The following DENND3 variants were observed in gnomAD, a reference collection of about 807,000 sequenced individuals.
DENND3 encodes the protein DENN domain containing 3.
Under a neutral mutation model 135.1 loss-of-function variants are expected in DENND3, and 88 were observed. That is an observed-to-expected ratio of 0.65 (90% CI 0.55 to 0.78). DENND3 has a LOEUF of 0.78. Ranked by LOEUF, DENND3 falls within the 30% of genes least tolerant of loss-of-function variation. The probability of loss-of-function intolerance (pLI) is 0.00; values close to 1 mark genes in which losing one functional copy is unlikely to be tolerated. For missense variants in DENND3, 1,392 were observed against 1,688.4 expected (o/e 0.82, Z 3.08); for synonymous variants, 693 against 712.3 (o/e 0.97, Z 0.43).
In DENND3 at chr8:141,177,959, T is replaced by C. The variant is rs528352755; in HGVS notation, c.2707-108T>C. ...CGTGATCTAAACTCTTCATGTCACT[T>C]TGGAAAAAGGCATTTTGGAAGGATT... On this transcript the variant is annotated intron_variant, in intron 15 of 22. Transcript: ENST00000519811. 2.8e-5 allele frequency: 39 copies of C among 1,390,554 alleles called. No individual in the cohort carries two copies. The Admixed American group carries it at 4.5e-4, about 16-fold the overall frequency. 86.1% of individuals were successfully genotyped at this position (1,390,554 alleles called of 1,614,324 possible).
At chr8:141,149,982 C>T (rs1449324612) in intron 5 of DENND3, among the ~76,000 whole-genome samples, 1 of 152,184 alleles carries the variant, frequency 6.6e-6, no homozygotes, top group African/African-American at 2.4e-5. Context: ...TTTCTCCCCC[C>T]GGCTCCCTGC....
intron 16 of DENND3, 71 bp from the exon 17 acceptor site, chr8:141,180,676 C>A: frequency 1.5e-6 from 2 of 1,368,788 alleles, no homozygotes; most frequent in Non-Finnish European, 2.1e-6. Flanking sequence ...AATCAGAGTG[C>A]GTGAGGCCGT....
intron 5 of DENND3, among the ~76,000 whole-genome samples, chr8:141,148,297 C>A (rs1241052023): frequency 6.6e-6 from 1 of 152,158 alleles, no homozygotes; most frequent in Non-Finnish European, 1.5e-5. Flanking sequence ...CAGAGCCATG[C>A]CCTGTGCCTT....
chr8:141,178,178 G>C lies in DENND3; in HGVS notation c.2818G>C (p.Asp940His). The C allele has an allele frequency of 6.2e-7, 1 of 1,611,124 alleles. No homozygotes were observed. Residue 940 changes from aspartate (D) to histidine (H), a missense_variant, in exon 16 of 23, where the codon GAT (aspartate) becomes CAT (histidine). By Grantham distance (81) the Asp-to-His change is moderately conservative (BLOSUM62 -1). Coordinates refer to ENST00000519811, the MANE Select transcript of DENND3 (RefSeq NM_001352890.3). The part of the protein sequence containing the change: ...IYAASKLSYF[D>H]KMSNEMPMTL... The stretch of plus-strand genomic sequence containing the variant: ...CGCTGCCTCCAAGTTATCCTACTTT[G>C]ATAAGATGAGTAACGAAAGTAAGAT...
At position 141,150,973 on chromosome 8, in the gene DENND3, C is replaced by T. The variant is rs777697850; in HGVS notation, c.855+20C>T. 23 of 1,510,398 alleles carry T rather than the reference C, an allele frequency of 1.5e-5. No homozygotes were observed. Among genetic ancestry groups the T allele is most frequent in the Admixed American group, 4.9e-5 (2 of 41,158 alleles). The allele number at this position is 1,510,398 out of a possible 1,614,324, so 93.6% of individuals were successfully genotyped here. On this transcript the variant is annotated intron_variant, in intron 6 of 22. Transcript: ENST00000519811. ...CTACAGGTACGCGGCCCCGCCCCGG[C>T]GAGCGCGTCTTGTGCTCCCTGCCTT...
chr8:141,188,857 G>A (rs1376558634), intron 18 of DENND3, 129 bp from the exon 19 acceptor site: 7 of 1,282,270 alleles, frequency 5.5e-6, no homozygotes, highest in Middle Eastern at 1.9e-4. Context: ...CCAGGACCCT[G>A]AGCCGGCGTG....
intron 9 of DENND3, 45 bp downstream of exon 9, chr8:141,160,832 C>G: frequency 1.3e-6 from 2 of 1,580,522 alleles, no homozygotes; most frequent in Non-Finnish European, 1.7e-6. Context: ...GGTAACCAGC[C>G]AGCCATCCAT....
intron 18 of DENND3, among the ~76,000 whole-genome samples, chr8:141,187,206 G>A (rs1272196123): frequency 1.3e-5 from 2 of 151,372 alleles, no homozygotes; most frequent in Non-Finnish European, 2.9e-5. Context: ...AATGTGAAAA[G>A]AACACTCCAG....
chr8:141,166,077 G>T lies in DENND3; in HGVS notation c.1554-113G>T. On this transcript the variant is annotated intron_variant, in intron 11 of 22. Transcript: ENST00000519811. This position sits in a 1 kb window ranked among gnomAD's most constrained non-coding sequence, Gnocchi z 4.3. The stretch of plus-strand genomic sequence containing the variant: ...GTTCTTACCAGTCTGTTTTCCACTG[G>T]TGTCCAAGAGTGTCATGTGCTCTTC... 1 of 1,045,516 alleles carries T rather than the reference G, an allele frequency of 9.6e-7. No individual in the cohort carries two copies. The highest frequency in any genetic ancestry group is 1.4e-6 in the Non-Finnish European group (1 of 692,700). The allele number at this position is 1,045,516 out of a possible 1,614,324, so 64.8% of individuals were successfully genotyped here.
intron 5 of DENND3, among the ~76,000 whole-genome samples, chr8:141,145,684 C>T (rs1422217265): frequency 2.6e-5 from 4 of 151,594 alleles, no homozygotes; most frequent in Admixed American, 6.6e-5. Flanking sequence ...CAGTGGTTAG[C>T]ATGTCAGTTC....
In DENND3 at chr8:141,182,008, G is replaced by A. The variant is rs965213231; in HGVS notation, c.2944+1154G>A. 6.6e-6 allele frequency among the ~76,000 whole-genome samples: 1 copy of A among 152,120 alleles called. No individual in the cohort carries two copies. Among genetic ancestry groups the A allele is most frequent in the African/African-American group, 2.4e-5 (1 of 41,416 alleles). ...GGGGTTTCGCCATGTTGCCTAGGCT[G>A]ATCTCGAACTCCTGGGCTCAAGCGA... On this transcript the variant is annotated intron_variant, in intron 17 of 22. Coordinates refer to ENST00000519811, the MANE Select transcript of DENND3 (RefSeq NM_001352890.3). This position sits in a 1 kb window ranked among gnomAD's most constrained non-coding sequence, Gnocchi z 5.9.
intron 5 of DENND3, among the ~76,000 whole-genome samples, chr8:141,149,719 T>TAGCC (rs1818558701): frequency 6.6e-6 from 1 of 152,258 alleles, no homozygotes; most frequent in African/African-American, 2.4e-5. Flanking sequence ...GGAGAAAACC[T>TAGCC]AGCCGGGCAC....
intron 4 of DENND3, among the ~76,000 whole-genome samples, chr8:141,143,308 C>T (rs1817686017): frequency 6.6e-6 from 1 of 152,118 alleles, no homozygotes; most frequent in Non-Finnish European, 1.5e-5. Flanking sequence ...TTCTAGGGTA[C>T]ATGTGCACAA....
intron 17 of DENND3, 187 bp from the exon 18 acceptor site, chr8:141,184,951 GC>G: frequency 1.6e-6 from 1 of 624,502 alleles, no homozygotes. Context: ...CCAGCCAGCT[GC>G]CCCCCTTGAC....
rs541387191 is a variant in DENND3, at chr8:141,139,237, G to A, written c.501+1100G>A. On this transcript the variant is annotated intron_variant, in intron 3 of 22. Coordinates refer to ENST00000519811, the MANE Select transcript of DENND3 (RefSeq NM_001352890.3). The surrounding 1 kb of genome is among the most constrained non-coding windows in gnomAD (Gnocchi z 4.2). Reference sequence around the variant, plus strand: ...GAGCCCGGGACACGTGTTTTTGTTGGTAGAAGCGTGCTTACACATGTGACA... The same window carrying A: ...GAGCCCGGGACACGTGTTTTTGTTGATAGAAGCGTGCTTACACATGTGACA... 1.3e-5 allele frequency among the ~76,000 whole-genome samples: 2 copies of A among 152,296 alleles called. No individual in the cohort carries two copies. Among genetic ancestry groups the A allele is most frequent in the South Asian group, 4.1e-4 (2 of 4,822 alleles).
At position 141,136,490 on chromosome 8, in the gene DENND3, T is replaced by A; in HGVS notation, c.103-19T>A. On this transcript the variant is annotated intron_variant, in intron 1 of 22. Coordinates refer to ENST00000519811, the MANE Select transcript of DENND3 (RefSeq NM_001352890.3). Reference sequence around the variant, plus strand: ...AGAGCTGAGGCTGTGGCAGTAACTCTTATTTTTCCCTTTTTTAGGTTGCTT... The same window carrying A: ...AGAGCTGAGGCTGTGGCAGTAACTCATATTTTTCCCTTTTTTAGGTTGCTT... 2.0e-6 allele frequency: 3 copies of A among 1,533,482 alleles called. No individual in the cohort carries two copies. The highest frequency in any genetic ancestry group is 2.6e-6 in the Non-Finnish European group (3 of 1,140,660). The allele number at this position is 1,533,482 out of a possible 1,614,324, so 95.0% of individuals were successfully genotyped here. A position where few individuals can be genotyped will look rare whatever the true frequency, so the allele number is the denominator to read the frequency against.
intron 22 of DENND3, 111 bp downstream of exon 22, chr8:141,192,774 G>A (rs768073187): frequency 5.0e-6 from 8 of 1,600,190 alleles, no homozygotes; most frequent in Admixed American, 1.7e-5. Flanking sequence ...TCCTGCCTTC[G>A]CCTCTCAGGG....
chr8:141,145,831 ATATATATATATATATATATGTAT>A (rs1266764284), intron 5 of DENND3, among the ~76,000 whole-genome samples: 6 of 70,084 alleles, frequency 8.6e-5, no homozygotes, highest in African/African-American at 7.0e-4. Context: ...ATATATATAT[ATATATATATATATATATATGTAT>A]TTTTTTTTTT....
intron 1 of DENND3, among the ~76,000 whole-genome samples, chr8:141,133,606 T>G (rs1031744597): frequency 2.6e-5 from 4 of 152,164 alleles, no homozygotes; most frequent in Admixed American, 6.5e-5. Flanking sequence ...GAGCCACGGG[T>G]CTTGCAGGTG....
Sources: gnomAD v4.1 joint callset for allele counts (sites outside exome capture counted in the v4.1 genomes callset) on GRCh38, gnomAD v4.1.1 for gene constraint, Gnocchi (gnomAD v3.1) non-coding constraint, MANE v1.5 for transcripts, NCBI Gene and HGNC (gene_info 2026-07-23, HGNC 2026-07-21) for gene names.